Variants in DHX36 observed in about 807,000 individuals in gnomAD.
The protein encoded by DHX36 is DEAH-box helicase 36, also known as ATP-dependent DNA/RNA helicase DHX36.
Under a neutral mutation model 139.0 loss-of-function variants are expected in DHX36, and 50 were observed. That is an observed-to-expected ratio of 0.36 (90% CI 0.29 to 0.46). The LOEUF (loss-of-function observed/expected upper bound fraction) is 0.46, where lower values mean the gene tolerates loss of function less well. DHX36 is among the 20% of genes least tolerant of loss of function. DHX36 has a pLI of 1.00. For synonymous variants in DHX36, 425 were observed against 401.9 expected (o/e 1.06, Z -0.69); for missense variants, 1,024 against 1,211.3 (o/e 0.85, Z 2.29).
chr3:154,317,867 T>C (rs145785929), intron 1 of DHX36, among the ~76,000 whole-genome samples: 211 of 152,160 alleles, frequency 1.4e-3, no homozygotes, highest in Middle Eastern at 3.4e-3. Flanking sequence ...GTAAAACTAA[T>C]GACCCAGTAC....
chr3:154,276,471 T>TAAA, intron 24 of DHX36, 115 bp from the exon 25 acceptor site: 2 of 1,020,590 alleles, frequency 2.0e-6, no homozygotes. Flanking sequence ...GCTCAAAAGC[T>TAAA]AAAACATTTA....
chr3:154,299,983 T>C (rs891272519), intron 11 of DHX36, 58 bp from the exon 12 acceptor site: 13 of 1,156,440 alleles, frequency 1.1e-5, no homozygotes, highest in Non-Finnish European at 1.6e-5. Flanking sequence ...GCAGTAACAG[T>C]AAAATTGTGT....
At chr3:154,299,028 T>C (rs1003575041) in intron 12 of DHX36, among the ~76,000 whole-genome samples, 3 of 152,092 alleles carry the variant, frequency 2.0e-5, no homozygotes, top group African/African-American at 7.2e-5. Context: ...TCCCAGCACT[T>C]TGGAAAGCTG....
Position 154,319,636 on chromosome 3 carries a change from T to C in DHX36, c.244-3473A>G, listed in dbSNP as rs1205235353. On this transcript the variant is annotated intron_variant, in intron 1 of 24. Coordinates refer to ENST00000496811, the MANE Select transcript of DHX36 (RefSeq NM_020865.3). ...CCACCTCCTTCACTGAAATTTACCTTGCTTTCCTAAATTTCTAACCTCTCC... is the reference window on the plus strand; with the variant it reads ...CCACCTCCTTCACTGAAATTTACCTCGCTTTCCTAAATTTCTAACCTCTCC... Among the ~76,000 whole-genome samples the C allele has an allele frequency of 2.0e-5, 3 of 152,174 alleles. No homozygotes were observed. The South Asian group carries it at 6.2e-4, about 31-fold the overall frequency.
At chr3:154,283,472 T>C (rs1291854263) in intron 19 of DHX36, among the ~76,000 whole-genome samples, 2 of 152,094 alleles carry the variant, frequency 1.3e-5, no homozygotes, top group Admixed American at 1.3e-4. Flanking sequence ...CAACCACCAC[T>C]GAAGTTCCAG....
At chr3:154,319,569 C>T (rs1713113320) in intron 1 of DHX36, among the ~76,000 whole-genome samples, 1 of 152,196 alleles carries the variant, frequency 6.6e-6, no homozygotes, top group Non-Finnish European at 1.5e-5. Context: ...GCTAACCCCT[C>T]AACCTGAGCT....
rs540388558 is a variant in DHX36 at position 154,290,931 on chromosome 3, G to A, written c.1815-1105C>T. Among the ~76,000 whole-genome samples the A allele has an allele frequency of 2.9e-4, 43 of 150,796 alleles. 1 individual carries two copies. The East Asian group carries it at 7.9e-3, about 28-fold the overall frequency. On this transcript the variant is annotated intron_variant, in intron 15 of 24. Coordinates refer to ENST00000496811, the MANE Select transcript of DHX36 (RefSeq NM_020865.3). ...GGGCGGATCACGAGGTCAGGAGATC[G>A]AGACCATCCCGGCTAAAACGGTGAA... is the stretch of plus-strand genomic sequence containing the variant.
intron 20 of DHX36, 81 bp downstream of exon 20, chr3:154,283,107 A>C (rs902209622): frequency 1.0e-4 from 104 of 1,043,360 alleles, no homozygotes; most frequent in Non-Finnish European, 1.4e-4. Context: ...CTTTTTTGCT[A>C]TAGATCTAAT....
At chr3:154,292,754 C>T in intron 14 of DHX36, 60 bp from the exon 15 acceptor site, 2 of 1,487,656 alleles carry the variant, frequency 1.3e-6, no homozygotes, top group Non-Finnish European at 9.2e-7. Context: ...CACACACACA[C>T]ACACACATCG....
At chr3:154,324,085 TAAG>T (rs1713304375) in intron 1 of DHX36, 86 bp downstream of exon 1, 1 of 1,414,604 alleles carries the variant, frequency 7.1e-7, no homozygotes, top group Non-Finnish European at 9.6e-7. Flanking sequence ...GTGCATCACT[TAAG>T]AAACAAAACC....
intron 3 of DHX36, among the ~76,000 whole-genome samples, chr3:154,314,203 A>T (rs562513411): frequency 6.6e-6 from 1 of 152,300 alleles, no homozygotes; most frequent in African/African-American, 2.4e-5. Flanking sequence ...TTTTTACCCA[A>T]CAGGCATCAA....
At chr3:154,293,682 A>G (rs995711503) in intron 14 of DHX36, 66 bp downstream of exon 14, 7 of 1,194,558 alleles carry the variant, frequency 5.9e-6, no homozygotes, top group Non-Finnish European at 8.6e-6. Context: ...ATTAAGGTAT[A>G]TAAACACGTT....
intron 20 of DHX36, among the ~76,000 whole-genome samples, chr3:154,282,336 C>A (rs1027955168): frequency 6.6e-6 from 1 of 152,088 alleles, no homozygotes; most frequent in African/African-American, 2.4e-5. Flanking sequence ...ATGGCAATAA[C>A]TTGTTTTTAA....
chr3:154,310,733 T>C (rs1712699669), intron 4 of DHX36, among the ~76,000 whole-genome samples: 1 of 127,082 alleles, frequency 7.9e-6, no homozygotes, highest in African/African-American at 3.0e-5. Context: ...AAGCCGAGAT[T>C]GCGCCACTGC....
intron 13 of DHX36, among the ~76,000 whole-genome samples, chr3:154,294,629 C>T (rs1237128359): frequency 6.6e-6 from 1 of 151,952 alleles, no homozygotes; most frequent in Non-Finnish European, 1.5e-5. Flanking sequence ...GACTAAGGTA[C>T]CAGCAACAAA....
intron 3 of DHX36, 196 bp downstream of exon 3, chr3:154,314,850 G>C (rs1174004674): frequency 3.9e-6 from 2 of 514,208 alleles, no homozygotes; most frequent in East Asian, 6.4e-5. Context: ...CTGTGGATGA[G>C]ATAGGATACT....
At chr3:154,307,707 A>G (rs1214047078) in intron 5 of DHX36, among the ~76,000 whole-genome samples, 1 of 152,060 alleles carries the variant, frequency 6.6e-6, no homozygotes, top group Non-Finnish European at 1.5e-5. Context: ...AACAGTATGG[A>G]GATTGCTCAA....
At chr3:154,310,007 C>T (rs568273338) in intron 4 of DHX36, among the ~76,000 whole-genome samples, 184 bp from the exon 5 acceptor site, 1 of 152,096 alleles carries the variant, frequency 6.6e-6, no homozygotes, top group South Asian at 2.1e-4. Flanking sequence ...GAGATAAGTG[C>T]ACCAAATTAT....
At chr3:154,312,855 AT>A (rs1712816265) in intron 3 of DHX36, among the ~76,000 whole-genome samples, 3 of 4,700 alleles carry the variant, frequency 6.4e-4, no homozygotes, top group African/African-American at 2.8e-3. Flanking sequence ...TAATTAAAAT[AT>A]ATATATATAT....
Sources: allele counts gnomAD v4.1 joint callset (sites outside exome capture counted in the v4.1 genomes callset), GRCh38; gene constraint gnomAD v4.1.1; transcripts MANE v1.5; gene names NCBI Gene and HGNC (gene_info 2026-07-23, HGNC 2026-07-21).